The following IRF6 variants were observed in gnomAD, a reference collection of about 807,000 sequenced individuals.
IRF6 encodes Van der Woude syndrome.
A neutral mutation model predicts 51.4 loss-of-function variants in IRF6; 6 were observed. That is an observed-to-expected ratio of 0.12 (90% CI 0.06 to 0.23). The LOEUF (loss-of-function observed/expected upper bound fraction) is 0.23. IRF6 is among the 10% of genes least tolerant of loss of function. IRF6 has a pLI of 1.00. For synonymous variants in IRF6, 178 were observed against 215.7 expected, an observed-to-expected ratio of 0.83 and a Z score of 1.53; for missense variants, 348 against 585.2, an observed-to-expected ratio of 0.59 and a Z score of 4.18.
Position 209,798,515 on chromosome 1 carries a change from T to C in IRF6, c.175-1963A>G, listed in dbSNP as rs567123652. Among the ~76,000 whole-genome samples the C allele has an allele frequency of 7.2e-5, 11 of 152,272 alleles. No individual in the cohort carries two copies. In the South Asian group the frequency reaches 2.3e-3, roughly 32 times the overall value. ...CAACCCAGAACCAGAGCCCCAGCCT[T>C]CCTGCTCACCACACAGCCATCCCCA... On this transcript the variant is annotated intron_variant, in intron 3 of 8. Coordinates refer to ENST00000367021, the MANE Select transcript of IRF6 (RefSeq NM_006147.4).
rs1216562822 is a variant in IRF6 at position 209,788,480 on chromosome 1, G to A, written c.1344C>T (p.Ser448=). ...TGGGGGTGGGCTGCATGGGCTGCCA[G>A]CTCTCCTGGGTTTGAAGGATGCGGT... ...QLYRILQTQE[S]WQPMQPTPSM... The change falls in exon 9 of 9, where the codon AGC becomes AGT. Residue 448 remains serine (S), a synonymous_variant. Transcript: ENST00000367021. 1.2e-6 allele frequency: 2 copies of A among 1,614,162 alleles called. No individual in the cohort carries two copies. The highest frequency in any genetic ancestry group is 1.3e-5 in the African/African-American group (1 of 75,038).
At chr1:209,800,823 C>T (rs2077936319) in intron 3 of IRF6, among the ~76,000 whole-genome samples, 1 of 152,164 alleles carries the variant, frequency 6.6e-6, no homozygotes, top group Non-Finnish European at 1.5e-5. Context: ...ATAGGCTATA[C>T]TGCGTGCCTG....
chr1:209,792,582 G>T lies in IRF6; in HGVS notation c.509-155C>A, dbSNP rs985188075. ...CCCATCAGTGATTCCCATAACTAAC[G>T]CAATAAGAAATAAGGTTCCCCTGCT... On this transcript the variant is annotated intron_variant, in intron 5 of 8. Coordinates refer to ENST00000367021, the MANE Select transcript of IRF6 (RefSeq NM_006147.4). 9 of 727,284 alleles carry T rather than the reference G, an allele frequency of 1.2e-5. No individual in the cohort carries two copies. The East Asian group carries it at 2.2e-4, about 17-fold the overall frequency. 45.1% of individuals were successfully genotyped at this position (727,284 alleles called of 1,614,324 possible). A position where few individuals can be genotyped will look rare whatever the true frequency, so the allele number is the denominator to read the frequency against.
chr1:209,792,142 AAC>A, intron 6 of IRF6, 125 bp downstream of exon 6: 2 of 1,031,798 alleles, frequency 1.9e-6, no homozygotes, highest in Non-Finnish European at 2.9e-6. Context: ...AGGAAACAGA[AAC>A]AGAGGATGCC....
rs931527236 is a variant in IRF6, at chr1:209,796,676, C to A, written c.175-124G>T. The A allele has an allele frequency of 2.6e-6, 2 of 759,916 alleles. No individual in the cohort carries two copies. The highest frequency in any genetic ancestry group is 1.8e-5 in the African/African-American group (1 of 56,844). 47.1% of individuals were successfully genotyped at this position (759,916 alleles called of 1,614,324 possible). On this transcript the variant is annotated intron_variant, in intron 3 of 8. Coordinates refer to ENST00000367021, the MANE Select transcript of IRF6 (RefSeq NM_006147.4). This position sits in a 1 kb window ranked among gnomAD's most constrained non-coding sequence, Gnocchi z 4.5. ...ACACACACACACACACACACACACA[C>A]AACTTTTGCATGACTGCCCCATCAT...
rs962754141 is a variant in IRF6, at chr1:209,786,266, G to A, written c.*2154C>T. On this transcript the variant is annotated 3_prime_UTR_variant, in exon 9 of 9. Coordinates refer to ENST00000367021, the MANE Select transcript of IRF6 (RefSeq NM_006147.4). ...AAGAAGCCAAAACAAGGAAGAAACC[G>A]GGGTATCTAGTTAAGACCTCACAAA... 2.0e-5 allele frequency: 3 copies of A among 152,188 alleles called. No homozygotes were observed. Among genetic ancestry groups the A allele is most frequent in the African/African-American group, 4.8e-5 (2 of 41,432 alleles). 9.4% of individuals were successfully genotyped at this position (152,188 alleles called of 1,614,324 possible).
At position 209,792,299 on chromosome 1, in the gene IRF6, A is replaced by C. The variant is rs777125626; in HGVS notation, c.637T>G (p.Ser213Ala). The C allele has an allele frequency of 1.2e-6, 2 of 1,614,178 alleles. No homozygotes were observed. Among genetic ancestry groups the C allele is most frequent in the South Asian group, 2.2e-5 (2 of 91,088 alleles). ...PQAPIQPFYS[S>A]PELWISSLPM... ...AGAGAGCTGATCCACAGTTCTGGAG[A>C]GCTATAGAAGGGCTGTATAGGTGCC... The change falls in exon 6 of 9, where the codon TCT (serine) becomes GCT (alanine). Residue 213 changes from serine (S) to alanine (A), a missense_variant. Physicochemically the swap from Ser to Ala is moderately conservative, Grantham distance 99 (BLOSUM62 1). Coordinates refer to ENST00000367021, the MANE Select transcript of IRF6 (RefSeq NM_006147.4).
chr1:209,789,809 T>C, intron 7 of IRF6, 24 bp from the exon 8 acceptor site: 11 of 1,511,132 alleles, frequency 7.3e-6, no homozygotes, highest in Non-Finnish European at 1.0e-5. Context: ...AAGAGCAAGT[T>C]TGGTATACTG....
At chr1:209,798,141 T>C (rs78123377) in intron 3 of IRF6, among the ~76,000 whole-genome samples, 6,835 of 152,226 alleles carry the variant, frequency 0.045, 507 homozygotes, top group African/African-American at 0.16. Flanking sequence ...CTTTTCAGAT[T>C]TGGGTCCCTC....
At chr1:209,789,621 A>G (rs899867363) in intron 8 of IRF6, 46 bp downstream of exon 8, 6 of 1,412,572 alleles carry the variant, frequency 4.2e-6, no homozygotes, top group South Asian at 3.4e-5. Context: ...GGGCTTAAGC[A>G]TTGGCAAAAA....
At chr1:209,804,897 C>G (rs2077964577) in intron 1 of IRF6, among the ~76,000 whole-genome samples, 1 of 152,160 alleles carries the variant, frequency 6.6e-6, no homozygotes, top group Non-Finnish European at 1.5e-5. Flanking sequence ...TCTTAGCAGT[C>G]CCAGCTCTTC....
rs34907424 is a variant in IRF6 at position 209,795,408 on chromosome 1, C to A, written c.390G>T (p.Gly130=). The A allele has an allele frequency of 3.6e-3, 5,852 of 1,614,078 alleles. 185 individuals carry two copies. In the African/African-American group the frequency reaches 0.065, roughly 18 times the overall value. Residue 130 remains glycine, a synonymous_variant, in exon 5 of 9, where the codon GGG becomes GGT. Transcript: ENST00000367021. ...TATCCTTCTCATCCCAGGGAGCAGA[C>A]CCTGTGGATCCTACCCAAGATACAC... The part of the protein sequence containing the change: ...QGSIINPGST[G]SAPWDEKDND...
intron 6 of IRF6, among the ~76,000 whole-genome samples, chr1:209,791,944 C>G (rs2077871521): frequency 6.6e-6 from 1 of 152,152 alleles, no homozygotes. Flanking sequence ...CACTGCCATG[C>G]CCAGCTAATT....
rs1168757731 is a variant in IRF6 at position 209,787,069 on chromosome 1, T to A, written c.*1351A>T. 1.3e-5 allele frequency: 2 copies of A among 152,096 alleles called. No individual in the cohort carries two copies. The highest frequency in any genetic ancestry group is 2.4e-5 in the African/African-American group (1 of 41,066). 9.4% of individuals were successfully genotyped at this position (152,096 alleles called of 1,614,324 possible). On this transcript the variant is annotated 3_prime_UTR_variant, in exon 9 of 9. Coordinates refer to ENST00000367021, the MANE Select transcript of IRF6 (RefSeq NM_006147.4). ...CATCTCTACAAAAATAAAAAAAAAA[T>A]TAGCCAAGCATCATAGTGCACGACT...
rs2102536272 is a variant in IRF6, at chr1:209,790,010, A to C, written c.1061-225T>G. ...ATAGCACAAATATATTGAACAGTAC[A>C]AATTACAGAGGGTTCTCTTGGACAT... On this transcript the variant is annotated intron_variant, in intron 7 of 8. Transcript: ENST00000367021. This position sits in a 1 kb window ranked among gnomAD's most constrained non-coding sequence, Gnocchi z 4.8. Among the ~76,000 whole-genome samples the C allele has an allele frequency of 6.6e-6, 1 of 152,376 alleles. No individual in the cohort carries two copies. Among genetic ancestry groups the C allele is most frequent in the Non-Finnish European group, 1.5e-5 (1 of 68,044 alleles).
In IRF6 at chr1:209,796,664, CA is replaced by C; in HGVS notation, c.175-113del. 1 of 799,784 alleles carries C rather than the reference CA, an allele frequency of 1.3e-6. No homozygotes were observed. The highest frequency in any genetic ancestry group is 2.1e-6 in the Non-Finnish European group (1 of 475,502). 49.5% of individuals were successfully genotyped at this position (799,784 alleles called of 1,614,324 possible). ...ACACACACACACACACACACACACA[CA>C]CACACACACACAACTTTTGCATGAC... On this transcript the variant is annotated intron_variant, in intron 3 of 8. Coordinates refer to ENST00000367021, the MANE Select transcript of IRF6 (RefSeq NM_006147.4). The surrounding 1 kb of genome is among the most constrained non-coding windows in gnomAD (Gnocchi z 4.5).
chr1:209,792,845 T>C (rs2077877457), intron 5 of IRF6: 1 of 224,892 alleles, frequency 4.4e-6, no homozygotes, highest in Admixed American at 5.2e-5. Flanking sequence ...GAAATACCTT[T>C]AACAACAAAC....
intron 4 of IRF6, among the ~76,000 whole-genome samples, chr1:209,795,804 G>A (rs773092816): frequency 2.0e-5 from 3 of 151,442 alleles, no homozygotes; most frequent in African/African-American, 4.8e-5. Context: ...TATACCCAAC[G>A]AATATGTACA....
rs1021758909 is a variant in IRF6, at chr1:209,787,210, C to G, written c.*1210G>C. On this transcript the variant is annotated 3_prime_UTR_variant, in exon 9 of 9. Transcript: ENST00000367021. ...CCAGCCTGGGCAACAAAGCAAGACT[C>G]TGTCTCAAAAAAGAAGAGAAAGCTG... is the stretch of plus-strand genomic sequence containing the variant. The G allele has an allele frequency of 6.6e-6, 1 of 152,446 alleles. No homozygotes were observed. The highest frequency in any genetic ancestry group is 2.4e-5 in the African/African-American group (1 of 41,462). The allele number at this position is 152,446 out of a possible 1,614,324, so 9.4% of individuals were successfully genotyped here.
Sources: gnomAD v4.1 joint callset for allele counts (sites outside exome capture counted in the v4.1 genomes callset) on GRCh38, gnomAD v4.1.1 for gene constraint, Gnocchi (gnomAD v3.1) non-coding constraint, MANE v1.5 for transcripts, NCBI Gene and HGNC (gene_info 2026-07-23, HGNC 2026-07-21) for gene names.